The following KCNMA1 variants were observed in gnomAD, a reference collection of about 807,000 sequenced individuals.
The protein encoded by KCNMA1 is potassium calcium-activated channel subfamily M alpha 1, also known as Calcium-activated potassium channel subunit alpha-1.
A neutral mutation model predicts 140.0 loss-of-function variants in KCNMA1; 29 were observed. The observed-to-expected ratio is 0.21, with a 90% CI of 0.15 to 0.28. The LOEUF (loss-of-function observed/expected upper bound fraction) is 0.28, where lower values mean the gene tolerates loss of function less well. Ranked by LOEUF, KCNMA1 falls within the 10% of genes least tolerant of loss-of-function variation. The probability of loss-of-function intolerance (pLI) is 1.00; values close to 1 mark genes in which losing one functional copy is unlikely to be tolerated. For synonymous variants in KCNMA1, 612 were observed against 611.9 expected, an observed-to-expected ratio of 1.00 and a Z score of 0.00; for missense variants, 880 against 1,602.2, an observed-to-expected ratio of 0.55 and a Z score of 7.70.
intron 16 of KCNMA1, among the ~76,000 whole-genome samples, chr10:77,026,549 T>G (rs2093475447): frequency 6.6e-6 from 1 of 152,218 alleles, no homozygotes; most frequent in Admixed American, 6.5e-5. Flanking sequence ...GCAAACAATA[T>G]TCTTCACTTT....
At chr10:76,988,767 G>A (rs1213828471) in intron 19 of KCNMA1, among the ~76,000 whole-genome samples, 1 of 152,108 alleles carries the variant, frequency 6.6e-6, no homozygotes, top group African/African-American at 2.4e-5. Context: ...GGAATGATGA[G>A]ACCTGAAGTC....
intron 1 of KCNMA1, among the ~76,000 whole-genome samples, chr10:77,529,438 C>T (rs907688670): frequency 2.0e-5 from 3 of 152,054 alleles, no homozygotes; most frequent in African/African-American, 7.2e-5. Context: ...CTCCTCAGGG[C>T]TCCCACCTCA....
At chr10:76,967,466 C>T (rs1338774553) in intron 20 of KCNMA1, among the ~76,000 whole-genome samples, 1 of 152,154 alleles carries the variant, frequency 6.6e-6, no homozygotes, top group African/African-American at 2.4e-5. Flanking sequence ...CCCATGACTT[C>T]ATTGCCAGTG....
At chr10:77,378,830 A>G (rs762968766) in intron 2 of KCNMA1, among the ~76,000 whole-genome samples, 5 of 152,362 alleles carry the variant, frequency 3.3e-5, no homozygotes, top group Middle Eastern at 3.4e-3. Context: ...ATTTATAATC[A>G]CATGGCAGGA....
chr10:77,402,501 A>T (rs932359247), intron 2 of KCNMA1, among the ~76,000 whole-genome samples: 1 of 152,192 alleles, frequency 6.6e-6, no homozygotes, highest in African/African-American at 2.4e-5. Context: ...CCTTCAGCAC[A>T]CAGCTCACGG....
chr10:77,314,160 G>C (rs2080121197), intron 2 of KCNMA1: 1 of 152,186 alleles, frequency 6.6e-6, no homozygotes, highest in Non-Finnish European at 1.5e-5. Context: ...CAGGGCATGA[G>C]TGTGTGTCTA....
In KCNMA1 at chr10:77,623,203, T is replaced by C. The variant is rs539033364; in HGVS notation, c.378+14062A>G. 2.6e-5 allele frequency among the ~76,000 whole-genome samples: 4 copies of C among 152,180 alleles called. No homozygotes were observed. The South Asian group carries it at 6.2e-4, about 24-fold the overall frequency. On this transcript the variant is annotated intron_variant, in intron 1 of 27. Coordinates refer to ENST00000286628, the MANE Select transcript of KCNMA1 (RefSeq NM_001161352.2). ...AGTTTCCATGCAACTTAGGAGAGATTTGCATGATAACATTTCATCTCCTGA... is the reference window on the plus strand; with the variant it reads ...AGTTTCCATGCAACTTAGGAGAGATCTGCATGATAACATTTCATCTCCTGA...
intron 2 of KCNMA1, among the ~76,000 whole-genome samples, chr10:77,364,725 TAGCC>T (rs1164735866): frequency 6.6e-6 from 1 of 152,178 alleles, no homozygotes; most frequent in East Asian, 1.9e-4. Context: ...CCTGAATGGG[TAGCC>T]AGTCTAGAAC....
chr10:77,098,903 C>T (rs2097015937), intron 9 of KCNMA1, among the ~76,000 whole-genome samples: 1 of 151,992 alleles, frequency 6.6e-6, no homozygotes, highest in South Asian at 2.1e-4. Flanking sequence ...TTATTCATCC[C>T]ATTACTTTGG....
At chr10:77,292,576 T>C (rs576636652) in intron 2 of KCNMA1, among the ~76,000 whole-genome samples, 2 of 152,212 alleles carry the variant, frequency 1.3e-5, no homozygotes, top group African/African-American at 4.8e-5. Context: ...CCCTCTCCTG[T>C]CTGTTCTTCA....
chr10:76,877,773 A>C (rs2032663929), exon 30 of KCNMA1: 1 of 1,563,910 alleles, frequency 6.4e-7, no homozygotes. Flanking sequence ...GATTGGTGGA[A>C]TCAAGCTGCT....
At chr10:77,359,756 C>T (rs2093791688) in intron 2 of KCNMA1, among the ~76,000 whole-genome samples, 1 of 152,206 alleles carries the variant, frequency 6.6e-6, no homozygotes, top group African/African-American at 2.4e-5. Context: ...GGGGGTGACA[C>T]TGTTGAGCCA....
chr10:77,184,407 A>G (rs764911148), intron 4 of KCNMA1, among the ~76,000 whole-genome samples: 1 of 152,060 alleles, frequency 6.6e-6, no homozygotes, highest in Non-Finnish European at 1.5e-5. Context: ...TTTAGTAGAG[A>G]TGGGATTTCA....
intron 3 of KCNMA1, among the ~76,000 whole-genome samples, chr10:77,242,531 T>A (rs142810461): frequency 1.2e-4 from 19 of 152,356 alleles, no homozygotes; most frequent in Non-Finnish European, 2.2e-4. Context: ...CAGCACTTAC[T>A]GTGTGCAATG....
intron 2 of KCNMA1, among the ~76,000 whole-genome samples, chr10:77,348,746 C>T (rs780816696): frequency 2.6e-4 from 40 of 152,262 alleles, no homozygotes; most frequent in Non-Finnish European, 4.1e-4. Context: ...CAGAACAGGG[C>T]CATCTTCATT....
rs116470012 is a variant in KCNMA1, at chr10:77,085,103, G to A, written c.1441-384C>T. ...TTCCTATCAGGAGTTGGAGGTGGGT[G>A]GGTTAAATCCCTTCTCTCCAGTTAG... On this transcript the variant is annotated intron_variant, in intron 11 of 27. Coordinates refer to ENST00000286628, the MANE Select transcript of KCNMA1 (RefSeq NM_001161352.2). Among the ~76,000 whole-genome samples the A allele has an allele frequency of 2.2e-3, 328 of 152,280 alleles. 2 individuals carry two copies. The highest frequency in any genetic ancestry group is 7.6e-3 in the African/African-American group (316 of 41,562).
chr10:76,905,239 T>C (rs2047333535), intron 25 of KCNMA1: 1 of 152,184 alleles, frequency 6.6e-6, no homozygotes, highest in Admixed American at 6.5e-5. Context: ...TATGCCAATA[T>C]ATTGTGCTAT....
At chr10:77,002,601 T>C (rs1300495568) in intron 18 of KCNMA1, among the ~76,000 whole-genome samples, 1 of 152,196 alleles carries the variant, frequency 6.6e-6, no homozygotes, top group Non-Finnish European at 1.5e-5. Context: ...CTTCTAAAGC[T>C]GGTATGGTAG....
intron 24 of KCNMA1, chr10:76,914,636 C>A: frequency 2.7e-6 from 1 of 371,552 alleles, no homozygotes; most frequent in Non-Finnish European, 5.1e-6. Flanking sequence ...CTAAGCCTTT[C>A]CTCCTTTCCT....
Sources: gnomAD v4.1 joint callset for allele counts (sites outside exome capture counted in the v4.1 genomes callset) on GRCh38, gnomAD v4.1.1 for gene constraint, MANE v1.5 for transcripts, NCBI Gene and HGNC (gene_info 2026-07-23, HGNC 2026-07-21) for gene names.